Variants in TRMT44 observed in about 807,000 individuals in gnomAD.
The protein encoded by TRMT44 is tRNA methyltransferase 44 homolog.
In TRMT44, 78 loss-of-function variants were observed where a neutral mutation model predicts 77.3. The observed-to-expected ratio is 1.01, with a 90% CI of 0.84 to 1.22. The LOEUF (loss-of-function observed/expected upper bound fraction) is 1.22. Among genes scored for constraint, TRMT44 ranks in the 50% most tolerant of loss-of-function variants. The probability of loss-of-function intolerance (pLI) is 0.00; values close to 1 mark genes in which losing one functional copy is unlikely to be tolerated. For missense variants in TRMT44, 1,090 were observed against 964.4 expected (o/e 1.13, Z -1.73); for synonymous variants, 391 against 383.3 (o/e 1.02, Z -0.23).
At position 8,452,478 on chromosome 4, in the gene TRMT44, A is replaced by G. The variant is rs536936032; in HGVS notation, c.1024-404A>G. Among the ~76,000 whole-genome samples the G allele has an allele frequency of 1.3e-5, 2 of 152,366 alleles. No individual in the cohort carries two copies. Among genetic ancestry groups the G allele is most frequent in the South Asian group, 4.1e-4 (2 of 4,832 alleles). On this transcript the variant is annotated intron_variant, in intron 4 of 10. Coordinates refer to ENST00000389737, the MANE Select transcript of TRMT44 (RefSeq NM_152544.3). The surrounding 1 kb of genome is among the most constrained non-coding windows in gnomAD (Gnocchi z 5.7). ...GCTGGGTTTGGTGGCTCAAGCCTGT[A>G]ATTCCCAGCACTTCGGGAGGCCGAG...
At chr4:8,475,669 C>A (rs184956159) in intron 10 of TRMT44, 103 bp from the exon 11 acceptor site, 2 of 1,063,060 alleles carry the variant, frequency 1.9e-6, no homozygotes, top group Admixed American at 4.0e-5. Flanking sequence ...TATCCCTGAC[C>A]CTGGATTGGC....
At chr4:8,449,944 C>CTTTTTTTTTTTTTTT in intron 3 of TRMT44, 56 bp downstream of exon 3, 1 of 376,688 alleles carries the variant, frequency 2.7e-6, no homozygotes, top group Non-Finnish European at 3.8e-6. Context: ...CTTTTCTTTT[C>CTTTTTTTTTTTTTTT]TTTTCTTTTT....
the TRMT44 span, among the ~76,000 whole-genome samples, chr4:8,512,812 A>T: frequency 6.6e-6 from 1 of 152,344 alleles, no homozygotes; most frequent in Middle Eastern, 3.4e-3. Flanking sequence ...CTATGCTTGC[A>T]AAAATATGTC....
chr4:8,445,426 G>A lies in TRMT44; in HGVS notation c.620-1050G>A, dbSNP rs561265453. On this transcript the variant is annotated intron_variant, in intron 1 of 10. Coordinates refer to ENST00000389737, the MANE Select transcript of TRMT44 (RefSeq NM_152544.3). ...GCCCTATGTGACCTGGGTGGGCCCT[G>A]TTACCCTTTGATTTCACCTTCTACC... is the stretch of plus-strand genomic sequence containing the variant. 2.0e-4 allele frequency among the ~76,000 whole-genome samples: 31 copies of A among 152,362 alleles called. No individual in the cohort carries two copies. In the South Asian group the frequency reaches 6.2e-3, roughly 31 times the overall value.
At chr4:8,513,937 G>T in the TRMT44 span, among the ~76,000 whole-genome samples, 2 of 152,160 alleles carry the variant, frequency 1.3e-5, no homozygotes, top group African/African-American at 4.8e-5. Flanking sequence ...GGAAAGGATT[G>T]GTTCAATGCT....
downstream of TRMT44, among the ~76,000 whole-genome samples, chr4:8,498,105 G>A (rs1242190485): frequency 1.3e-5 from 2 of 152,222 alleles, no homozygotes; most frequent in Non-Finnish European, 2.9e-5. The surrounding 1 kb of genome is among the most constrained non-coding windows in gnomAD (Gnocchi z 4.3). Context: ...GCAGGTTTTA[G>A]AGATCCTCCC....
intron 9 of TRMT44, chr4:8,468,646 C>T: frequency 3.6e-6 from 2 of 552,466 alleles, no homozygotes; most frequent in Non-Finnish European, 6.4e-6. Context: ...TAGAAATTAT[C>T]CAAAGAGAAA....
chr4:8,473,216 T>C (rs1298255315), intron 10 of TRMT44: 1 of 152,320 alleles, frequency 6.6e-6, no homozygotes, highest in East Asian at 1.9e-4. Context: ...GCCCTGAGCA[T>C]GACCCATGAG....
chr4:8,457,832 C>A (rs1193097096), intron 6 of TRMT44, among the ~76,000 whole-genome samples: 6 of 152,130 alleles, frequency 3.9e-5, no homozygotes, highest in Non-Finnish European at 8.8e-5. Flanking sequence ...AAGTGTCATG[C>A]CTGACTTCAC....
the TRMT44 span, among the ~76,000 whole-genome samples, chr4:8,511,491 T>C: frequency 6.6e-6 from 1 of 152,164 alleles, no homozygotes; most frequent in Non-Finnish European, 1.5e-5. Flanking sequence ...ATGGGGAGGT[T>C]ATCCTGGCTT....
intron 10 of TRMT44, among the ~76,000 whole-genome samples, chr4:8,471,879 G>C (rs1001367938): frequency 6.6e-6 from 1 of 152,218 alleles, no homozygotes; most frequent in East Asian, 1.9e-4. Flanking sequence ...TGCTCACCCA[G>C]GTGCCAGTGG....
chr4:8,460,391 C>A (rs1017448896), intron 6 of TRMT44, among the ~76,000 whole-genome samples: 3 of 152,198 alleles, frequency 2.0e-5, no homozygotes, highest in African/African-American at 7.2e-5. Context: ...GTAGGTACTC[C>A]ATGCAGTCAC....
the TRMT44 span, among the ~76,000 whole-genome samples, chr4:8,508,273 C>A: frequency 2.0e-5 from 3 of 152,330 alleles, no homozygotes; most frequent in Admixed American, 2.0e-4. Flanking sequence ...TGGGCAATTT[C>A]GTATGGCTGT....
chr4:8,499,987 G>A, the TRMT44 span, among the ~76,000 whole-genome samples: 29 of 152,292 alleles, frequency 1.9e-4, no homozygotes, highest in Non-Finnish European at 4.0e-4. Context: ...CCATCACTTC[G>A]GGAGGCCAAG....
At position 8,454,786 on chromosome 4, in the gene TRMT44, C is replaced by G; in HGVS notation, c.1176C>G (p.Asp392Glu). 1.2e-6 allele frequency: 2 copies of G among 1,614,214 alleles called. No individual in the cohort carries two copies. The highest frequency in any genetic ancestry group is 2.2e-5 in the South Asian group (2 of 91,084). ...ATGTCCGAAGAAGAAAAATCTGGGA[C>G]ATGTATGGACCACAAACTCAGTTAG... ...GIDVRRRKIW[D>E]MYGPQTQLEE... is the part of the protein sequence containing the mutation. Residue 392 changes from aspartate (D) to glutamate (E), a missense_variant, in exon 6 of 11, where the codon GAC (aspartate) becomes GAG (glutamate). Coordinates refer to ENST00000389737, the MANE Select transcript of TRMT44 (RefSeq NM_152544.3).
At chr4:8,516,240 A>G in the TRMT44 span, among the ~76,000 whole-genome samples, 3 of 152,114 alleles carry the variant, frequency 2.0e-5, no homozygotes, top group Admixed American at 1.3e-4. Flanking sequence ...CCACAAGAGC[A>G]TCGCCCCCTC....
chr4:8,442,730 C>G (rs891895737), intron 1 of TRMT44, among the ~76,000 whole-genome samples: 9 of 152,188 alleles, frequency 5.9e-5, no homozygotes, highest in African/African-American at 1.9e-4. Flanking sequence ...CTGTCAGTTG[C>G]TGGAGGCTTC....
chr4:8,459,419 C>T (rs1276528988), intron 6 of TRMT44, among the ~76,000 whole-genome samples: 7 of 152,208 alleles, frequency 4.6e-5, no homozygotes, highest in African/African-American at 1.7e-4. Context: ...CCCCATTTTA[C>T]AGGCGAGGAA....
chr4:8,470,058 G>T (rs1294138452), intron 9 of TRMT44, among the ~76,000 whole-genome samples: 1 of 152,276 alleles, frequency 6.6e-6, no homozygotes, highest in Non-Finnish European at 1.5e-5. Flanking sequence ...CAGGCCAGGA[G>T]GCACCCATGG....
Sources: allele counts gnomAD v4.1 joint callset (sites outside exome capture counted in the v4.1 genomes callset), GRCh38; gene constraint gnomAD v4.1.1; non-coding constraint Gnocchi (gnomAD v3.1); transcripts MANE v1.5; gene names NCBI Gene and HGNC (gene_info 2026-07-23, HGNC 2026-07-21).